PDE10A: variants seen among roughly 807,000 people sequenced by gnomAD.
PDE10A encodes the protein cAMP and cAMP-inhibited cGMP 3',5'-cyclic phosphodiesterase 10A.
A neutral mutation model predicts 97.7 loss-of-function variants in PDE10A; 39 were observed. That is an observed-to-expected ratio of 0.40 (90% CI 0.31 to 0.52). The LOEUF is 0.52. Among genes scored for constraint, PDE10A ranks in the 20% least tolerant of loss-of-function variants. The pLI is 0.56. For missense variants in PDE10A, 731 were observed against 1,047.8 expected (o/e 0.70, Z 4.17); for synonymous variants, 371 against 376.8 (o/e 0.98, Z 0.18).
intron 2 of PDE10A, among the ~76,000 whole-genome samples, chr6:165,527,209 T>C (rs9459437): frequency 0.052 from 7,957 of 152,304 alleles, 329 homozygotes; most frequent in East Asian, 0.2. Context: ...CAATGCCTAC[T>C]GAGCCTATTT....
At chr6:165,758,569 AGAAGAG>A (rs1562721733) in intron 1 of PDE10A, among the ~76,000 whole-genome samples, 2 of 150,914 alleles carry the variant, frequency 1.3e-5, no homozygotes, top group Admixed American at 1.3e-4. Context: ...AAGAGGAAGA[AGAAGAG>A]GAAGAGGAAG....
intron 1 of PDE10A, among the ~76,000 whole-genome samples, chr6:165,715,551 T>A (rs1455975531): frequency 6.6e-6 from 1 of 151,900 alleles, no homozygotes; most frequent in East Asian, 1.9e-4. Context: ...TCCAAGGGAA[T>A]GAAGGGGAGA....
intron 11 of PDE10A, among the ~76,000 whole-genome samples, chr6:165,417,544 C>A (rs1022963479): frequency 6.6e-6 from 1 of 152,132 alleles, no homozygotes; most frequent in Non-Finnish European, 1.5e-5. Flanking sequence ...TCAATGCCAA[C>A]AGTGTTAGGA....
chr6:165,592,306 T>C (rs1786324873), intron 1 of PDE10A, among the ~76,000 whole-genome samples: 1 of 152,176 alleles, frequency 6.6e-6, no homozygotes, highest in Non-Finnish European at 1.5e-5. Flanking sequence ...TAACTCAAGA[T>C]GGATTAAAGA....
At chr6:165,645,251 C>T (rs1312677643) in intron 1 of PDE10A, among the ~76,000 whole-genome samples, 1 of 152,168 alleles carries the variant, frequency 6.6e-6, no homozygotes, top group Non-Finnish European at 1.5e-5. Context: ...TCCTCCTGAG[C>T]GGGGGCCTGC....
chr6:165,620,972 G>A (rs1244465940), intron 1 of PDE10A, among the ~76,000 whole-genome samples: 3 of 148,356 alleles, frequency 2.0e-5, no homozygotes, highest in Non-Finnish European at 4.4e-5. Context: ...GGTGAGCCGA[G>A]ATCCTGCCAC....
chr6:165,513,537 T>C (rs1583442605), intron 2 of PDE10A, among the ~76,000 whole-genome samples: 2 of 152,156 alleles, frequency 1.3e-5, no homozygotes, highest in African/African-American at 4.8e-5. Flanking sequence ...TGCATTTCCA[T>C]ATGCATTTTA....
chr6:165,636,960 T>C (rs1470542416), intron 1 of PDE10A, among the ~76,000 whole-genome samples: 1 of 152,194 alleles, frequency 6.6e-6, no homozygotes, highest in Non-Finnish European at 1.5e-5. Flanking sequence ...AGACGATTCA[T>C]GTGAAAATTG....
chr6:165,650,609 C>T (rs190555262), intron 1 of PDE10A, among the ~76,000 whole-genome samples: 1 of 152,286 alleles, frequency 6.6e-6, no homozygotes, highest in Admixed American at 6.5e-5. Flanking sequence ...ACCAAGCGCC[C>T]ACTCGTAGAC....
intron 1 of PDE10A, among the ~76,000 whole-genome samples, chr6:165,925,459 T>C (rs1046616452): frequency 1.6e-4 from 24 of 152,154 alleles, no homozygotes; most frequent in Non-Finnish European, 7.3e-5. Context: ...GCAGCATTTC[T>C]TGTAATAATA....
intron 1 of PDE10A, among the ~76,000 whole-genome samples, chr6:165,958,688 AAGAAAG>A (rs1478621219): frequency 1.4e-5 from 2 of 141,090 alleles, no homozygotes; most frequent in African/African-American, 2.9e-5. Context: ...GAAGGAAAGA[AAGAAAG>A]AGAAAGAAAG....
chr6:165,405,990 G>C (rs1351695872), intron 13 of PDE10A, among the ~76,000 whole-genome samples: 1 of 152,034 alleles, frequency 6.6e-6, no homozygotes, highest in Non-Finnish European at 1.5e-5. Flanking sequence ...TAGCATCTAG[G>C]AGTGATTAAT....
chr6:165,708,851 C>T (rs1399045100), intron 1 of PDE10A, among the ~76,000 whole-genome samples: 9 of 71,454 alleles, frequency 1.3e-4, no homozygotes, highest in Non-Finnish European at 2.5e-4. Flanking sequence ...CACTCTCCAC[C>T]GCCATGCTGC....
chr6:165,567,199 G>T (rs538300509), intron 1 of PDE10A, among the ~76,000 whole-genome samples: 46 of 152,106 alleles, frequency 3.0e-4, no homozygotes, highest in Non-Finnish European at 5.4e-4. Flanking sequence ...AGACACAAAA[G>T]ATAAATACTG....
intron 1 of PDE10A, among the ~76,000 whole-genome samples, chr6:165,702,522 A>G (rs1791604889): frequency 6.6e-6 from 1 of 152,242 alleles, no homozygotes; most frequent in Non-Finnish European, 1.5e-5. Flanking sequence ...CCCACAAAGA[A>G]GAAGGAACGG....
rs372005367 is a variant in PDE10A, at chr6:165,661,635, G to C, written c.865+312C>G. 8.3e-5 allele frequency: 30 copies of C among 360,846 alleles called. No homozygotes were observed. Among genetic ancestry groups the C allele is most frequent in the African/African-American group, 5.8e-4 (27 of 46,304 alleles). 22.4% of individuals were successfully genotyped at this position (360,846 alleles called of 1,614,324 possible). The stretch of plus-strand genomic sequence containing the variant: ...CGCCGGACAAGTGTGGCCAGAAACG[G>C]CACGAGGGGCGGAGAAGGAGGCGGC... On this transcript the variant is annotated intron_variant, in intron 1 of 21. Transcript: ENST00000539869. The surrounding 1 kb of genome is among the most constrained non-coding windows in gnomAD (Gnocchi z 4.8).
chr6:165,587,399 G>A (rs891071598), intron 1 of PDE10A, among the ~76,000 whole-genome samples: 1 of 152,084 alleles, frequency 6.6e-6, no homozygotes, highest in Non-Finnish European at 1.5e-5. Flanking sequence ...AGCAATTTAC[G>A]GAAAACAAAA....
In PDE10A at chr6:165,396,220, T is replaced by G. The variant is rs1008463567; in HGVS notation, c.2219+97A>C. 3.6e-6 allele frequency: 4 copies of G among 1,110,892 alleles called. No homozygotes were observed. The African/African-American group carries it at 6.2e-5, about 17-fold the overall frequency. The allele number at this position is 1,110,892 out of a possible 1,614,324, so 68.8% of individuals were successfully genotyped here. On this transcript the variant is annotated intron_variant, in intron 14 of 21. Coordinates refer to ENST00000539869, the MANE Select transcript of PDE10A (RefSeq NM_001385079.1). The stretch of plus-strand genomic sequence containing the variant: ...CATGAAACTCCACATGTAATATGTG[T>G]ATAATAATTGTGACTCTAATTCTAT...
At chr6:165,638,385 A>C (rs1251481506) in intron 1 of PDE10A, among the ~76,000 whole-genome samples, 1 of 150,746 alleles carries the variant, frequency 6.6e-6, no homozygotes, top group Admixed American at 6.6e-5. Flanking sequence ...GGAAGGCAAG[A>C]GACAGAGAGA....
Sources: gnomAD v4.1 joint callset for allele counts (sites outside exome capture counted in the v4.1 genomes callset) on GRCh38, gnomAD v4.1.1 for gene constraint, Gnocchi (gnomAD v3.1) non-coding constraint, MANE v1.5 for transcripts, NCBI Gene and HGNC (gene_info 2026-07-23, HGNC 2026-07-21) for gene names.